ZNF169: variants seen among roughly 807,000 people sequenced by gnomAD.
The protein encoded by ZNF169 is zinc finger protein 169.
In ZNF169, 11 loss-of-function variants were observed where a neutral mutation model predicts 12.0. The observed-to-expected ratio is 0.92, with a 90% CI of 0.58 to 1.52. ZNF169 has a LOEUF of 1.52. Ranked by LOEUF, ZNF169 falls within the 40% of genes most tolerant of loss-of-function variation. The pLI, the probability that ZNF169 is intolerant of heterozygous loss-of-function variation, is 0.00. For synonymous variants in ZNF169, 302 were observed against 286.5 expected (o/e 1.05, Z -0.55); for missense variants, 722 against 744.0 (o/e 0.97, Z 0.34).
In ZNF169 at chr9:94,300,997, A is replaced by G; in HGVS notation, c.1439A>G (p.His480Arg). 2 of 1,614,152 alleles carry G rather than the reference A, an allele frequency of 1.2e-6. No individual in the cohort carries two copies. Among genetic ancestry groups the G allele is most frequent in the Non-Finnish European group, 1.7e-6 (2 of 1,180,024 alleles). Residue 480 changes from histidine (H) to arginine (R), a missense_variant, in exon 5 of 5, where the codon CAC becomes CGC. Coordinates refer to ENST00000395395, the MANE Select transcript of ZNF169 (RefSeq NM_194320.4). The stretch of plus-strand genomic sequence containing the variant: ...ACCCTCATCAGACACCAGAGGACAC[A>G]CACAGGGGAGAAGCCTTATCTGTGC... ...KVTLIRHQRT[H>R]TGEKPYLCPK...
At chr9:94,264,203 T>G (rs1369769901) in intron 1 of ZNF169, among the ~76,000 whole-genome samples, 2 of 152,176 alleles carry the variant, frequency 1.3e-5, no homozygotes, top group Non-Finnish European at 2.9e-5. Flanking sequence ...GTGGCACAAT[T>G]TTGGCTCACT....
intron 1 of ZNF169, among the ~76,000 whole-genome samples, chr9:94,264,619 T>TA (rs1830259098): frequency 6.6e-6 from 1 of 152,220 alleles, no homozygotes; most frequent in South Asian, 2.1e-4. Flanking sequence ...TTACTGGTTT[T>TA]CTTTTACTTG....
intron 1 of ZNF169, among the ~76,000 whole-genome samples, chr9:94,270,794 A>T (rs565476889): frequency 1.9e-4 from 9 of 47,952 alleles, no homozygotes; most frequent in East Asian, 2.0e-3. Flanking sequence ...AATATATATA[A>T]ATAATATATA....
intron 2 of ZNF169, among the ~76,000 whole-genome samples, chr9:94,280,778 G>A (rs1045850304): frequency 2.6e-5 from 4 of 152,086 alleles, no homozygotes; most frequent in East Asian, 1.9e-4. Context: ...TAAAGAGAGC[G>A]GGGGTACCAG....
rs992222159 is a variant in ZNF169 at position 94,278,779 on chromosome 9, C to T, written c.-34C>T. The T allele has an allele frequency of 1.2e-4, 187 of 1,610,008 alleles. No individual in the cohort carries two copies. Among genetic ancestry groups the T allele is most frequent in the Non-Finnish European group, 1.4e-4 (165 of 1,178,346 alleles). On this transcript the variant is annotated 5_prime_UTR_variant, in exon 2 of 5. Coordinates refer to ENST00000395395, the MANE Select transcript of ZNF169 (RefSeq NM_194320.4). The stretch of plus-strand genomic sequence containing the variant: ...CCAGATTTGCCTCTGCAACTTGACT[C>T]TCCTCTAGGAAGAGTACTCCAGAGA...
chr9:94,301,232 C>G lies in ZNF169; in HGVS notation c.1674C>G (p.Ile558Met). ...GRGFGFKSALIRHQRTHSGEK... is the reference protein window; with the variant it reads ...GRGFGFKSALMRHQRTHSGEK... The stretch of plus-strand genomic sequence containing the variant: ...GCTTTGGCTTTAAGTCTGCCCTCAT[C>G]CGACATCAGCGGACCCATTCTGGGG... Residue 558 changes from isoleucine (I) to methionine (M), a missense_variant, in exon 5 of 5, where the codon ATC becomes ATG. Physicochemically the swap from Ile to Met is conservative, Grantham distance 10. Coordinates refer to ENST00000395395, the MANE Select transcript of ZNF169 (RefSeq NM_194320.4). 6.2e-7 allele frequency: 1 copy of G among 1,613,878 alleles called. No individual in the cohort carries two copies.
rs769663731 is a variant in ZNF169, at chr9:94,301,038, GC to G, written c.1481del (p.Ala494AspfsTer22). 1 of 1,614,008 alleles carries G rather than the reference GC, an allele frequency of 6.2e-7. No homozygotes were observed. On this transcript the variant is annotated frameshift_variant, in exon 5 of 5. Transcript: ENST00000395395. LOFTEE classifies it low-confidence loss of function (END_TRUNC). ...KPYLCPKCGR[A>X]FGFKSLLTRH... ...TTATCTGTGCCCCAAGTGTGGGCGT[GC>G]ATTTGGCTTTAAGTCGCTCCTCACC...
At chr9:94,286,896 C>T (rs966462367) in intron 2 of ZNF169, among the ~76,000 whole-genome samples, 1 of 152,160 alleles carries the variant, frequency 6.6e-6, no homozygotes, top group African/African-American at 2.4e-5. Flanking sequence ...ACCCTGCAGA[C>T]CTTTTGGCGT....
intron 2 of ZNF169, among the ~76,000 whole-genome samples, chr9:94,292,124 C>T (rs3131909): frequency 0.86 from 131,336 of 152,190 alleles, 58,214 homozygotes; most frequent in East Asian, 0.99. Flanking sequence ...GTTTGATCAG[C>T]ACAACAGAGA....
intron 2 of ZNF169, among the ~76,000 whole-genome samples, chr9:94,280,447 AC>A (rs1830608316): frequency 6.6e-6 from 1 of 151,948 alleles, no homozygotes; most frequent in South Asian, 2.1e-4. Flanking sequence ...CAGGCCCTAA[AC>A]CTTATTCTGT....
rs75119345 is a variant in ZNF169, at chr9:94,289,110, G to A, written c.34-3231G>A. Among the ~76,000 whole-genome samples the A allele has an allele frequency of 3.6e-3, 554 of 152,174 alleles. 17 individuals carry two copies. The East Asian group carries it at 0.074, about 20-fold the overall frequency. On this transcript the variant is annotated intron_variant, in intron 2 of 4. Coordinates refer to ENST00000395395, the MANE Select transcript of ZNF169 (RefSeq NM_194320.4). The stretch of plus-strand genomic sequence containing the variant: ...TAAGTTCTATACAATTATTCAAACT[G>A]GTAAAATGGCCAGGTGTGGTGGCTT...
intron 4 of ZNF169, among the ~76,000 whole-genome samples, chr9:94,298,700 G>A (rs1420724739): frequency 7.1e-6 from 1 of 140,756 alleles, no homozygotes; most frequent in Non-Finnish European, 1.5e-5. Context: ...CTGCACTCCA[G>A]CCTGGGCAAC....
chr9:94,268,150 A>C (rs1460834454), intron 1 of ZNF169, among the ~76,000 whole-genome samples: 1 of 151,936 alleles, frequency 6.6e-6, no homozygotes, highest in African/African-American at 2.4e-5. Flanking sequence ...GATTACAGGC[A>C]TGAGCCACCG....
At chr9:94,295,506 T>C (rs1177768682) in intron 4 of ZNF169, 1 of 152,136 alleles carries the variant, frequency 6.6e-6, no homozygotes, top group East Asian at 1.9e-4. Context: ...AACAAGCATG[T>C]CTGTCATCCT....
intron 4 of ZNF169, chr9:94,293,375 A>G (rs1830888307): frequency 3.3e-6 from 2 of 605,042 alleles, no homozygotes; most frequent in African/African-American, 3.7e-5. Context: ...TCAAAACAGT[A>G]CCTGTCCTTT....
chr9:94,274,306 C>T (rs992125430), intron 1 of ZNF169, among the ~76,000 whole-genome samples: 1 of 152,140 alleles, frequency 6.6e-6, no homozygotes, highest in African/African-American at 2.4e-5. Context: ...ATAATTCAGC[C>T]TGGAACAGCT....
In ZNF169 at chr9:94,300,809, C is replaced by G. The variant is rs1032693339; in HGVS notation, c.1251C>G (p.Leu417=). ...CGHSFRQKVT[L]IRHQRTHTGE... is the part of the protein sequence containing the mutation. ...ACAGCTTTCGCCAAAAGGTCACTCT[C>G]ATCAGGCACCAGAGGACACACACAG... The change falls in exon 5 of 5, where the codon CTC becomes CTG. Residue 417 remains leucine (L), a synonymous_variant. Transcript: ENST00000395395. The G allele has an allele frequency of 6.2e-7, 1 of 1,613,600 alleles. No individual in the cohort carries two copies. Among genetic ancestry groups the G allele is most frequent in the Non-Finnish European group, 8.5e-7 (1 of 1,179,918 alleles).
chr9:94,265,028 T>G (rs1490277433), intron 1 of ZNF169, among the ~76,000 whole-genome samples: 3 of 148,214 alleles, frequency 2.0e-5, no homozygotes, highest in Admixed American at 6.7e-5. Context: ...CCTGTTTTTT[T>G]TTTTTTTTTT....
chr9:94,296,836 G>A (rs1158484260), intron 4 of ZNF169: 1 of 456,296 alleles, frequency 2.2e-6, no homozygotes, highest in South Asian at 1.5e-5. Flanking sequence ...ACAAGGTCAG[G>A]AGTTCGAGAC....
Sources: gnomAD v4.1 joint callset for allele counts (sites outside exome capture counted in the v4.1 genomes callset) on GRCh38, gnomAD v4.1.1 for gene constraint, MANE v1.5 for transcripts, NCBI Gene and HGNC (gene_info 2026-07-23, HGNC 2026-07-21) for gene names.